The following KIF1A variants were observed in gnomAD, a reference collection of about 807,000 sequenced individuals.
KIF1A encodes kinesin family member 1A, also known as kinesin-like protein KIF1A.
In KIF1A, 46 loss-of-function variants were observed where a neutral mutation model predicts 227.3. The ratio of observed to expected loss-of-function variants is 0.20; its 90% CI spans 0.16 to 0.26. The LOEUF is 0.26. Ranked by LOEUF, KIF1A falls within the 10% of genes least tolerant of loss-of-function variation. The pLI is 1.00. For missense variants in KIF1A, 1,683 were observed against 2,485.9 expected, an observed-to-expected ratio of 0.68 and a Z score of 6.87; for synonymous variants, 1,022 against 1,012.8, an observed-to-expected ratio of 1.01 and a Z score of -0.17.
At position 240,718,115 on chromosome 2, in the gene KIF1A, G is replaced by A. The variant is rs377628410; in HGVS notation, c.5268C>T (p.Ala1756=). ...AGTCATGCATGTCCTTGTCGCTGGCGGCCTGCAGCAGGATGCCGCGGTGTT... is the reference window on the plus strand; with the variant it reads ...AGTCATGCATGTCCTTGTCGCTGGCAGCCTGCAGCAGGATGCCGCGGTGTT... ...CTEHRGILLQ[A]ASDKDMHDWL... The change falls in exon 48 of 49, where the codon GCC becomes GCT. Residue 1756 remains alanine (A), a synonymous_variant. Coordinates refer to ENST00000498729, the MANE Select transcript of KIF1A (RefSeq NM_001244008.2). 8.2e-5 allele frequency: 132 copies of A among 1,611,512 alleles called. No individual in the cohort carries two copies. Among genetic ancestry groups the A allele is most frequent in the Non-Finnish European group, 1.0e-4 (119 of 1,179,368 alleles).
rs1177217009 is a variant in KIF1A at position 240,783,775 on chromosome 2, C to T, written c.762G>A (p.Arg254=). The T allele has an allele frequency of 1.9e-6, 3 of 1,587,038 alleles. No individual in the cohort carries two copies. The highest frequency in any genetic ancestry group is 1.2e-5 in the South Asian group (1 of 86,716). ...ISLVDLAGSE[R]ADSTGAKGTR... ...TGCCCTTGGCTCCCGTGGAGTCAGC[C>T]CGCTCGCTCCCAGCCAGGTCCACCA... is the stretch of plus-strand genomic sequence containing the variant. Residue 254 remains arginine, a synonymous_variant, in exon 8 of 49, where the codon CGG becomes CGA. Coordinates refer to ENST00000498729, the MANE Select transcript of KIF1A (RefSeq NM_001244008.2).
Position 240,778,769 on chromosome 2 carries a change from G to A in KIF1A, c.883-2843C>T, listed in dbSNP as rs947564195. Among the ~76,000 whole-genome samples, 90 of 150,900 alleles carry A rather than the reference G, an allele frequency of 6.0e-4. No individual in the cohort carries two copies. The highest frequency in any genetic ancestry group is 1.8e-3 in the African/African-American group (75 of 40,990). On this transcript the variant is annotated intron_variant, in intron 10 of 48. Coordinates refer to ENST00000498729, the MANE Select transcript of KIF1A (RefSeq NM_001244008.2). The surrounding 1 kb of genome is among the most constrained non-coding windows in gnomAD (Gnocchi z 7.2). ...TCTGCAGCTTTCCTCACGATTCTGC[G>A]CACCGTTCCACACACGGTTCCTCAC... is the stretch of plus-strand genomic sequence containing the variant.
rs13011940 is a variant in KIF1A at position 240,771,990 on chromosome 2, C to A, written c.1207+580G>T. ...GTGGAGGGCGCCCTGCAGCCAAGCT[C>A]GGGGAGGCACTGAGCCCCATGGAGC... On this transcript the variant is annotated intron_variant, in intron 14 of 48. Transcript: ENST00000498729. Among the ~76,000 whole-genome samples the A allele has an allele frequency of 3.3e-4, 51 of 152,240 alleles. 1 individual carries two copies. The highest frequency in any genetic ancestry group is 8.8e-5 in the Non-Finnish European group (6 of 67,998).
intron 43 of KIF1A, 44 bp from the exon 44 acceptor site, chr2:240,721,928 G>A (rs1233236629): frequency 2.0e-6 from 3 of 1,522,202 alleles, no homozygotes; most frequent in South Asian, 1.2e-5. Context: ...GGCCTCCCGG[G>A]ACCCTGCTCA....
intron 24 of KIF1A, 99 bp downstream of exon 24, chr2:240,761,130 G>T: frequency 7.2e-7 from 1 of 1,394,904 alleles, no homozygotes; most frequent in Non-Finnish European, 9.8e-7. Flanking sequence ...CCCGGGGCCG[G>T]CAGAGAGCCA....
intron 27 of KIF1A, among the ~76,000 whole-genome samples, chr2:240,756,409 C>A (rs13382521): frequency 0.013 from 1,984 of 152,336 alleles, 28 homozygotes; most frequent in African/African-American, 0.044. Context: ...TCCATGATAA[C>A]AGAAAGGCAG....
chr2:240,747,445 C>T lies in KIF1A; in HGVS notation c.2978-124G>A, dbSNP rs2048738276. On this transcript the variant is annotated intron_variant, in intron 28 of 48. Coordinates refer to ENST00000498729, the MANE Select transcript of KIF1A (RefSeq NM_001244008.2). ...ACAGGAGCCAGAGCAGGCAGCAGACCCCTGACCGAATCTGCCACCCGTGGC... is the reference window on the plus strand; with the variant it reads ...ACAGGAGCCAGAGCAGGCAGCAGACTCCTGACCGAATCTGCCACCCGTGGC... The T allele has an allele frequency of 7.4e-6, 5 of 672,162 alleles. No individual in the cohort carries two copies. In the East Asian group the frequency reaches 1.4e-4, roughly 19 times the overall value. 41.6% of individuals were successfully genotyped at this position (672,162 alleles called of 1,614,324 possible).
rs544285045 is a variant in KIF1A at position 240,757,358 on chromosome 2, G to A, written c.2819C>T (p.Pro940Leu). 1.9e-6 allele frequency: 3 copies of A among 1,550,684 alleles called. No homozygotes were observed. Among genetic ancestry groups the A allele is most frequent in the Admixed American group, 2.0e-5 (1 of 51,002 alleles). Residue 940 changes from proline to leucine, a missense_variant, in exon 27 of 49, where the codon CCG (proline) becomes CTG (leucine). Physicochemically the swap from Pro to Leu is moderately conservative, Grantham distance 98 (BLOSUM62 -3). Coordinates refer to ENST00000498729, the MANE Select transcript of KIF1A (RefSeq NM_001244008.2). The surrounding 1 kb of genome is among the most constrained non-coding windows in gnomAD (Gnocchi z 6.2). ...GAACAGGGGGGGCCGGTCGTAAAAC[G>A]GGTCCCGGCCGTCGCACAGCGCGTG... is the stretch of plus-strand genomic sequence containing the variant. ...PEHALCDGRD[P>L]FYDRPPLFSL...
intron 38 of KIF1A, among the ~76,000 whole-genome samples, chr2:240,732,283 G>T: frequency 8.2e-6 from 1 of 122,238 alleles, no homozygotes; most frequent in African/African-American, 3.6e-5. Context: ...AGGGAGAAGG[G>T]GATCAGGGGA....
rs772545191 is a variant in KIF1A, at chr2:240,737,063, C to T, written c.4007G>A (p.Arg1336Gln). Residue 1336 changes from arginine to glutamine, a missense_variant and splice_region_variant, in exon 38 of 49, where the codon CGG becomes CAG. By Grantham distance (43) the Arg-to-Gln change is conservative. Around this residue, in one of 12 missense-constraint regions of KIF1A, gnomAD observed 759 missense variants for 1,020.2 expected, o/e 0.74. Coordinates refer to ENST00000498729, the MANE Select transcript of KIF1A (RefSeq NM_001244008.2). ...SGYIHPAQDD[R>Q]TFYQFEAAWD... ...TGTCTCCAGGGAGTCTCCGACTCAC[C>T]GGTCATCTTGGGCTGGGTGGATGTA... 1.1e-5 allele frequency: 17 copies of T among 1,610,016 alleles called. No individual in the cohort carries two copies. The highest frequency in any genetic ancestry group is 2.2e-5 in the East Asian group (1 of 44,796).
At chr2:240,744,152 G>GCCCAGCTAGGGGT in intron 32 of KIF1A, 92 bp from the exon 33 acceptor site, 1 of 884,354 alleles carries the variant, frequency 1.1e-6, no homozygotes, top group Non-Finnish European at 1.9e-6. Flanking sequence ...AGCGCTTCAG[G>GCCCAGCTAGGGGT]CCCAGATCTG....
At chr2:240,768,847 C>T (rs191891499) in intron 17 of KIF1A, among the ~76,000 whole-genome samples, 1 of 152,320 alleles carries the variant, frequency 6.6e-6, no homozygotes, top group Admixed American at 6.5e-5. Flanking sequence ...GTGTTGGCTC[C>T]TCAGCCTTGC....
At chr2:240,744,489 T>C (rs1418062507) in intron 32 of KIF1A, among the ~76,000 whole-genome samples, 1 of 152,176 alleles carries the variant, frequency 6.6e-6, no homozygotes, top group East Asian at 1.9e-4. Flanking sequence ...GAGTATATCC[T>C]GGGATAGGGC....
intron 10 of KIF1A, among the ~76,000 whole-genome samples, chr2:240,776,189 C>T (rs773288747): frequency 3.5e-4 from 53 of 152,316 alleles, no homozygotes; most frequent in Non-Finnish European, 6.2e-4. Context: ...ATCCCTGCTG[C>T]CCCTGGGCCA....
At chr2:240,719,978 C>A (rs571434431) in intron 45 of KIF1A, 52 bp from the exon 46 acceptor site, 849 of 1,520,514 alleles carry the variant, frequency 5.6e-4, no homozygotes, top group Non-Finnish European at 6.9e-4. Context: ...GGGCCTGGGG[C>A]CGTCTTCCCC....
intron 9 of KIF1A, 57 bp downstream of exon 9, chr2:240,782,987 T>TG: frequency 7.3e-7 from 1 of 1,372,942 alleles, no homozygotes; most frequent in South Asian, 1.2e-5. Context: ...AGGGGCAGGA[T>TG]GGGGCGCCAA....
chr2:240,719,268 T>C (rs2125569148), intron 46 of KIF1A, 70 bp from the exon 47 acceptor site: 2 of 1,513,466 alleles, frequency 1.3e-6, no homozygotes, highest in Non-Finnish European at 1.8e-6. Flanking sequence ...ACTCACCATC[T>C]ACCACCCAGA....
chr2:240,772,832 C>T (rs2052187265), intron 13 of KIF1A, among the ~76,000 whole-genome samples: 1 of 152,244 alleles, frequency 6.6e-6, no homozygotes, highest in Non-Finnish European at 1.5e-5. Flanking sequence ...CTTGCATCAG[C>T]ATTGAACCCA....
intron 10 of KIF1A, among the ~76,000 whole-genome samples, chr2:240,780,235 C>G (rs940850912): frequency 2.0e-5 from 3 of 152,016 alleles, no homozygotes; most frequent in African/African-American, 7.3e-5. Flanking sequence ...CAGCACCGCT[C>G]CCCGAGCAGC....
Sources: allele counts gnomAD v4.1 joint callset (sites outside exome capture counted in the v4.1 genomes callset), GRCh38; gene constraint gnomAD v4.1.1; regional missense constraint gnomAD v4.1.1; non-coding constraint Gnocchi (gnomAD v3.1); transcripts MANE v1.5; gene names NCBI Gene and HGNC (gene_info 2026-07-23, HGNC 2026-07-21).